AKAP6: variants seen among roughly 807,000 people sequenced by gnomAD.
The protein encoded by AKAP6 is A-kinase anchor protein 6.
Under a neutral mutation model 188.5 loss-of-function variants are expected in AKAP6, and 58 were observed. The observed-to-expected ratio is 0.31, with a 90% confidence interval of 0.25 to 0.38. The LOEUF is 0.38. AKAP6 is among the 10% of genes least tolerant of loss of function. AKAP6 has a pLI of 1.00. For missense variants in AKAP6, 2,710 were observed against 2,740.0 expected (o/e 0.99, Z 0.24); for synonymous variants, 989 against 998.6 (o/e 0.99, Z 0.18).
chr14:32,735,874 TACTTTAAGGTAATAAAAAA>T lies in AKAP6; in HGVS notation c.3367_3372+13del. 1 of 1,578,338 alleles carries T rather than the reference TACTTTAAGGTAATAAAAAA, an allele frequency of 6.3e-7. No homozygotes were observed. Among genetic ancestry groups the T allele is most frequent in the Non-Finnish European group, 8.6e-7 (1 of 1,165,940 alleles). ...AATGAATACTGAGAAACAACTGCAA[TACTTTAAGGTAATAAAAAA>T]ACAATCAAAGTTGATAAAAAGCTCT... is the stretch of plus-strand genomic sequence containing the variant. On this transcript the variant is annotated splice_donor_variant and splice_donor_5th_base_variant and coding_sequence_variant and intron_variant, in exon 11 of 14. Coordinates refer to ENST00000280979, the MANE Select transcript of AKAP6 (RefSeq NM_004274.5). LOFTEE classifies it high-confidence loss of function.
chr14:32,422,651 A>C (rs992557550), intron 1 of AKAP6, among the ~76,000 whole-genome samples: 1 of 152,152 alleles, frequency 6.6e-6, no homozygotes, highest in Non-Finnish European at 1.5e-5. Context: ...CAACCCTTTG[A>C]CCACATGGTT....
chr14:32,560,140 C>T (rs541387525), intron 4 of AKAP6, among the ~76,000 whole-genome samples: 2 of 152,056 alleles, frequency 1.3e-5, no homozygotes, highest in South Asian at 4.2e-4. Context: ...ATGAATGGGG[C>T]CCAAATCCAG....
chr14:32,634,024 A>G (rs1887387028), intron 7 of AKAP6, among the ~76,000 whole-genome samples: 1 of 152,072 alleles, frequency 6.6e-6, no homozygotes, highest in African/African-American at 2.4e-5. Flanking sequence ...TTTACTCCAC[A>G]CAGCCTCCAT....
At position 32,619,446 on chromosome 14, in the gene AKAP6, T is replaced by C. The variant is rs556083044; in HGVS notation, c.2730+18654T>C. 1.6e-3 allele frequency among the ~76,000 whole-genome samples: 245 copies of C among 152,306 alleles called. 4 individuals carry two copies. The highest frequency in any genetic ancestry group is 4.4e-5 in the Non-Finnish European group (3 of 67,988). On this transcript the variant is annotated intron_variant, in intron 7 of 13. Transcript: ENST00000280979. ...AATAGTGTGTTCTTTCTCCAATTTA[T>C]GTTTTTGAATGCTTTGTTGAAGATC...
intron 1 of AKAP6, among the ~76,000 whole-genome samples, chr14:32,332,222 G>A (rs1161294217): frequency 2.0e-5 from 3 of 152,064 alleles, no homozygotes; most frequent in East Asian, 3.9e-4. Context: ...TGGCTATGCA[G>A]CACACATGCT....
chr14:32,550,145 C>T (rs6571535), intron 4 of AKAP6, among the ~76,000 whole-genome samples: 2 of 151,976 alleles, frequency 1.3e-5, no homozygotes, highest in Non-Finnish European at 2.9e-5. Context: ...TGTTTTAACC[C>T]GATGATGACT....
intron 12 of AKAP6, among the ~76,000 whole-genome samples, chr14:32,784,187 G>C (rs534581521): frequency 4.2e-4 from 64 of 152,216 alleles, no homozygotes; most frequent in African/African-American, 1.5e-3. Context: ...AGAGGATTTG[G>C]GCTGCTGTGT....
intron 4 of AKAP6, among the ~76,000 whole-genome samples, chr14:32,548,227 G>A (rs932674151): frequency 8.6e-5 from 13 of 151,050 alleles, no homozygotes; most frequent in Non-Finnish European, 1.3e-4. Context: ...TCAGCCTCTC[G>A]TGTAGCTGGG....
At chr14:32,759,277 T>G (rs1334195818) in intron 11 of AKAP6, among the ~76,000 whole-genome samples, 2 of 152,236 alleles carry the variant, frequency 1.3e-5, no homozygotes, top group Non-Finnish European at 2.9e-5. Flanking sequence ...AAAGGTTTGA[T>G]GTTGAATGTT....
At chr14:32,520,929 C>G (rs1158630327) in intron 2 of AKAP6, among the ~76,000 whole-genome samples, 1 of 152,104 alleles carries the variant, frequency 6.6e-6, no homozygotes, top group Non-Finnish European at 1.5e-5. Flanking sequence ...AACATCAATG[C>G]AAAAATCCTC....
chr14:32,673,097 G>A (rs1889284382), intron 7 of AKAP6, among the ~76,000 whole-genome samples: 1 of 152,084 alleles, frequency 6.6e-6, no homozygotes, highest in Non-Finnish European at 1.5e-5. Context: ...TCACAACTCT[G>A]CGCCCCTGAA....
chr14:32,571,096 A>G (rs1383118420), intron 4 of AKAP6, among the ~76,000 whole-genome samples: 2 of 152,212 alleles, frequency 1.3e-5, no homozygotes, highest in African/African-American at 2.4e-5. Flanking sequence ...ATCTACTTGT[A>G]CAAAATACTT....
intron 12 of AKAP6, among the ~76,000 whole-genome samples, chr14:32,798,217 T>C (rs1372499733): frequency 6.6e-6 from 1 of 152,184 alleles, no homozygotes; most frequent in Non-Finnish European, 1.5e-5. Context: ...CCAGTTAGAA[T>C]GGCTATTATT....
chr14:32,530,850 A>G (rs1271707478), intron 2 of AKAP6, among the ~76,000 whole-genome samples: 2 of 152,222 alleles, frequency 1.3e-5, no homozygotes, highest in African/African-American at 4.8e-5. Flanking sequence ...AGGAAAAGGT[A>G]CCCCTCTCAC....
intron 2 of AKAP6, among the ~76,000 whole-genome samples, chr14:32,516,928 A>G (rs1881552588): frequency 6.6e-6 from 1 of 152,208 alleles, no homozygotes; most frequent in African/African-American, 2.4e-5. Context: ...CATCACATAC[A>G]AGATGAGCAA....
chr14:32,766,958 A>G (rs2032738073), intron 11 of AKAP6, among the ~76,000 whole-genome samples: 1 of 152,178 alleles, frequency 6.6e-6, no homozygotes, highest in African/African-American at 2.4e-5. Flanking sequence ...AATTAAGAGT[A>G]TGATCCATTT....
At chr14:32,748,136 C>A (rs778804195) in intron 11 of AKAP6, among the ~76,000 whole-genome samples, 3 of 152,180 alleles carry the variant, frequency 2.0e-5, no homozygotes, top group Non-Finnish European at 4.4e-5. Flanking sequence ...TTTGTTAGTA[C>A]ATTCAAATAA....
chr14:32,390,297 C>T (rs1370796248), intron 1 of AKAP6, among the ~76,000 whole-genome samples: 2 of 152,178 alleles, frequency 1.3e-5, no homozygotes, highest in African/African-American at 4.8e-5. Flanking sequence ...TCACCTTTCT[C>T]TGGCACCTCC....
At chr14:32,366,260 C>T (rs1169636346) in intron 1 of AKAP6, among the ~76,000 whole-genome samples, 1 of 152,204 alleles carries the variant, frequency 6.6e-6, no homozygotes, top group Non-Finnish European at 1.5e-5. Context: ...GCCTGATAGC[C>T]AGACTCTATT....
Sources: allele counts gnomAD v4.1 joint callset (sites outside exome capture counted in the v4.1 genomes callset), GRCh38; gene constraint gnomAD v4.1.1; transcripts MANE v1.5; gene names NCBI Gene and HGNC (gene_info 2026-07-23, HGNC 2026-07-21).